TARBP1: variants seen among roughly 807,000 people sequenced by gnomAD.
TARBP1 encodes tRNA (guanosine(18)-2'-O)-methyltransferase TARBP1.
Under a neutral mutation model 178.6 loss-of-function variants are expected in TARBP1, and 144 were observed. That is an observed-to-expected ratio of 0.81 (90% CI 0.70 to 0.93). TARBP1 has a LOEUF of 0.93. Among genes scored for constraint, TARBP1 ranks in the 40% least tolerant of loss-of-function variants. TARBP1 has a pLI of 0.00. For synonymous variants in TARBP1, 787 were observed against 781.0 expected (o/e 1.01, Z -0.13); for missense variants, 2,067 against 2,011.7 (o/e 1.03, Z -0.53).
rs1316479649 is a variant in TARBP1, at chr1:234,479,046, G to C, written c.58C>G (p.Leu20Val). The C allele has an allele frequency of 6.5e-7, 1 of 1,538,834 alleles. No homozygotes were observed. The change falls in exon 1 of 30, where the codon CTT becomes GTT. Residue 20 changes from leucine (L) to valine (V), a missense_variant. By Grantham distance (32) the Leu-to-Val change is conservative. Coordinates refer to ENST00000040877, the MANE Select transcript of TARBP1 (RefSeq NM_005646.4). Reference protein sequence around the residue: ...LSQSRDPRALLGALCQGEASA... With the variant: ...LSQSRDPRALVGALCQGEASA... ...GCCTCCCCTTGGCACAGCGCCCCAA[G>C]CAGGGCCCGGGGGTCCCGGCTCTGC...
At chr1:234,401,842 C>G (rs74147461) in intron 24 of TARBP1, among the ~76,000 whole-genome samples, 2 of 152,158 alleles carry the variant, frequency 1.3e-5, no homozygotes, top group Non-Finnish European at 2.9e-5. Flanking sequence ...AACCCTCTCA[C>G]TATCAGCAGA....
At chr1:234,473,818 C>A (rs1669300473) in intron 1 of TARBP1, among the ~76,000 whole-genome samples, 1 of 151,874 alleles carries the variant, frequency 6.6e-6, no homozygotes, top group Admixed American at 6.6e-5. Context: ...AGATCAAGAC[C>A]AAAACAAATG....
At chr1:234,404,001 T>C (rs974180972) in intron 24 of TARBP1, among the ~76,000 whole-genome samples, 1 of 152,234 alleles carries the variant, frequency 6.6e-6, no homozygotes, top group Non-Finnish European at 1.5e-5. Context: ...TGCCTTATTT[T>C]GATTGGCTAT....
chr1:234,399,681 T>C (rs1191040875), intron 25 of TARBP1, among the ~76,000 whole-genome samples: 3 of 152,016 alleles, frequency 2.0e-5, no homozygotes, highest in Non-Finnish European at 4.4e-5. Flanking sequence ...GTGGCACATA[T>C]ACACCATGGA....
chr1:234,406,138 T>C (rs1323718226), intron 23 of TARBP1, 39 bp from the exon 24 acceptor site: 2 of 1,587,554 alleles, frequency 1.3e-6, no homozygotes, highest in Non-Finnish European at 1.7e-6. Flanking sequence ...AACACAGACA[T>C]GGACCATTTT....
chr1:234,476,847 G>A (rs1488192002), intron 1 of TARBP1, among the ~76,000 whole-genome samples: 3 of 152,228 alleles, frequency 2.0e-5, no homozygotes, highest in Non-Finnish European at 4.4e-5. Context: ...CAGAGGAAAT[G>A]GGAGTTGCAG....
In TARBP1 at chr1:234,433,578, CAAGGATTAAAACACTT is replaced by C; in HGVS notation, c.2233-23_2233-8del. On this transcript the variant is annotated splice_region_variant and splice_polypyrimidine_tract_variant and intron_variant, in intron 13 of 29. Transcript: ENST00000040877. ...AACGATCCAGATCTGAAACCTAAGA[CAAGGATTAAAACACTT>C]AAGGGTACAAGCAAGGTCCATGATT... The C allele has an allele frequency of 6.2e-7, 1 of 1,606,950 alleles. No individual in the cohort carries two copies. The highest frequency in any genetic ancestry group is 8.5e-7 in the Non-Finnish European group (1 of 1,178,336).
Position 234,466,346 on chromosome 1 carries a change from T to C in TARBP1, c.1249-638A>G, listed in dbSNP as rs374713938. 3.2e-4 allele frequency among the ~76,000 whole-genome samples: 48 copies of C among 150,554 alleles called. No individual in the cohort carries two copies. The East Asian group carries it at 6.6e-3, about 21-fold the overall frequency. On this transcript the variant is annotated intron_variant, in intron 4 of 29. Transcript: ENST00000040877. ...GGCCAACATGGCAAAACCCTGTCTCTACTAAAATTACAAAACTGAGCCAGG... is the reference window on the plus strand; with the variant it reads ...GGCCAACATGGCAAAACCCTGTCTCCACTAAAATTACAAAACTGAGCCAGG...
In TARBP1 at chr1:234,392,360, A is replaced by G. The variant is rs1659466994; in HGVS notation, c.4697+56T>C. 2.5e-6 allele frequency: 4 copies of G among 1,578,282 alleles called. No individual in the cohort carries two copies. In the Admixed American group the frequency reaches 7.8e-5, roughly 31 times the overall value. On this transcript the variant is annotated intron_variant, in intron 29 of 29. Coordinates refer to ENST00000040877, the MANE Select transcript of TARBP1 (RefSeq NM_005646.4). ...CAAAAACAAAAAAAAACAAGGTAACATCTTCCAGTAGTCTGGGGCTCAGAG... is the reference window on the plus strand; with the variant it reads ...CAAAAACAAAAAAAAACAAGGTAACGTCTTCCAGTAGTCTGGGGCTCAGAG...
intron 1 of TARBP1, among the ~76,000 whole-genome samples, chr1:234,474,608 G>C (rs575398192): frequency 6.6e-6 from 1 of 152,148 alleles, no homozygotes; most frequent in Non-Finnish European, 1.5e-5. Context: ...AAATAAACAG[G>C]ATTCAGAATG....
At chr1:234,472,959 C>A in intron 1 of TARBP1, 148 bp from the exon 2 acceptor site, 1 of 651,886 alleles carries the variant, frequency 1.5e-6, no homozygotes. Flanking sequence ...GGATAGGGGG[C>A]TTGGGAATCT....
At chr1:234,415,274 C>G (rs1662296058) in intron 22 of TARBP1, among the ~76,000 whole-genome samples, 1 of 152,128 alleles carries the variant, frequency 6.6e-6, no homozygotes, top group African/African-American at 2.4e-5. Context: ...AAGAATTACT[C>G]TGGCACTGGA....
At chr1:234,457,982 C>G (rs1216310426) in intron 8 of TARBP1, among the ~76,000 whole-genome samples, 3 of 150,740 alleles carry the variant, frequency 2.0e-5, no homozygotes, top group Non-Finnish European at 3.0e-5. Flanking sequence ...ATTGAGGTTA[C>G]TATCTTAAAG....
At chr1:234,441,213 T>C (rs1665562866) in intron 12 of TARBP1, among the ~76,000 whole-genome samples, 1 of 152,126 alleles carries the variant, frequency 6.6e-6, no homozygotes, top group Non-Finnish European at 1.5e-5. Flanking sequence ...AAATACCATA[T>C]TCATGCATTA....
At chr1:234,426,999 T>C (rs544931328) in intron 19 of TARBP1, among the ~76,000 whole-genome samples, 1 of 152,386 alleles carries the variant, frequency 6.6e-6, no homozygotes, top group East Asian at 1.9e-4. Context: ...GAGAATAAAG[T>C]GTCTGTGCTG....
At chr1:234,415,146 C>T (rs531730143) in intron 22 of TARBP1, among the ~76,000 whole-genome samples, 19 of 152,186 alleles carry the variant, frequency 1.2e-4, no homozygotes, top group African/African-American at 4.3e-4. Flanking sequence ...GGATGCAACT[C>T]GAGCCTGTTG....
chr1:234,441,217 T>A (rs139696724), intron 12 of TARBP1, among the ~76,000 whole-genome samples: 1 of 152,160 alleles, frequency 6.6e-6, no homozygotes, highest in Admixed American at 6.5e-5. Flanking sequence ...ACCATATTCA[T>A]GCATTAAAAG....
chr1:234,458,169 C>G (rs1667480570), intron 8 of TARBP1, among the ~76,000 whole-genome samples: 1 of 152,064 alleles, frequency 6.6e-6, no homozygotes, highest in Non-Finnish European at 1.5e-5. Flanking sequence ...TATGGCAAAA[C>G]CCCATCTCTA....
At chr1:234,393,913 T>A (rs923474194) in intron 26 of TARBP1, 76 bp from the exon 27 acceptor site, 1 of 1,056,098 alleles carries the variant, frequency 9.5e-7, no homozygotes, top group African/African-American at 1.7e-5. Context: ...CATGTATATG[T>A]ATTTTTAAGA....
Sources: allele counts gnomAD v4.1 joint callset (sites outside exome capture counted in the v4.1 genomes callset), GRCh38; gene constraint gnomAD v4.1.1; transcripts MANE v1.5; gene names NCBI Gene and HGNC (gene_info 2026-07-23, HGNC 2026-07-21).